The following ROBO1 variants were observed in gnomAD, a reference collection of about 807,000 sequenced individuals.
ROBO1 encodes the protein roundabout homolog 1.
ROBO1 carries 149 observed loss-of-function variants against 195.9 expected under a neutral mutation model. The observed-to-expected ratio is 0.76, with a 90% CI of 0.67 to 0.87. ROBO1 has a LOEUF of 0.87. ROBO1 is among the 40% of genes least tolerant of loss of function. The pLI, the probability that ROBO1 is intolerant of heterozygous loss-of-function variation, is 0.00. For synonymous variants in ROBO1, 816 were observed against 733.2 expected (o/e 1.11, Z -1.82); for missense variants, 1,933 against 2,068.3 (o/e 0.93, Z 1.27).
intron 5 of ROBO1, among the ~76,000 whole-genome samples, chr3:78,732,243 C>T (rs537387694): frequency 5.3e-5 from 8 of 152,082 alleles, no homozygotes; most frequent in South Asian, 2.1e-4. Context: ...ATTTTTAAAA[C>T]GTATAGATCC....
At chr3:78,793,581 A>G (rs1041661923) in intron 4 of ROBO1, among the ~76,000 whole-genome samples, 10 of 152,190 alleles carry the variant, frequency 6.6e-5, no homozygotes, top group Non-Finnish European at 1.2e-4. Context: ...ATGGCAGATC[A>G]AGGTTCTTCC....
At chr3:78,863,305 C>G (rs1246121186) in intron 4 of ROBO1, among the ~76,000 whole-genome samples, 1 of 152,166 alleles carries the variant, frequency 6.6e-6, no homozygotes, top group African/African-American at 2.4e-5. Context: ...ATTTAGAACT[C>G]TATGAGCCTA....
chr3:78,707,272 C>T (rs535602429), intron 8 of ROBO1, among the ~76,000 whole-genome samples: 1 of 152,218 alleles, frequency 6.6e-6, no homozygotes, highest in East Asian at 1.9e-4. Context: ...AAAGACAGCA[C>T]GGGGCTTTTT....
chr3:79,533,187 A>G, intron 2 of ROBO1: 1 of 284,734 alleles, frequency 3.5e-6, no homozygotes, highest in Non-Finnish European at 7.1e-6. Flanking sequence ...TATAAACTCT[A>G]TGATTTAGAT....
intron 4 of ROBO1, among the ~76,000 whole-genome samples, chr3:78,818,200 G>A (rs2030360484): frequency 6.6e-6 from 1 of 152,132 alleles, no homozygotes; most frequent in Non-Finnish European, 1.5e-5. Flanking sequence ...GGTCTGTGGG[G>A]AGACGGTGGA....
At chr3:79,393,646 T>G (rs1414453653) in intron 2 of ROBO1, among the ~76,000 whole-genome samples, 1 of 152,154 alleles carries the variant, frequency 6.6e-6, no homozygotes, top group African/African-American at 2.4e-5. Flanking sequence ...TGCTAAGTCA[T>G]TCTTCACAAG....
At position 79,102,403 on chromosome 3, in the gene ROBO1, G is replaced by C. The variant is rs374997216; in HGVS notation, c.172+23053C>G. On this transcript the variant is annotated intron_variant, in intron 3 of 30. Coordinates refer to ENST00000464233, the MANE Select transcript of ROBO1 (RefSeq NM_002941.4). ...CAGCAAGAAGTTCTGAGAGTCCAAG[G>C]TTTTCAATCATAAGAGAGGAATTAA... is the stretch of plus-strand genomic sequence containing the variant. Among the ~76,000 whole-genome samples the C allele has an allele frequency of 1.2e-4, 18 of 151,684 alleles. 1 individual carries two copies. The highest frequency in any genetic ancestry group is 6.3e-3 in the Middle Eastern group (2 of 316).
intron 1 of ROBO1, among the ~76,000 whole-genome samples, chr3:79,670,867 A>T (rs746897114): frequency 2.0e-5 from 3 of 151,876 alleles, no homozygotes; most frequent in East Asian, 1.9e-4. Context: ...ATTTACTGCA[A>T]TATTTTCACT....
At position 78,661,317 on chromosome 3, in the gene ROBO1, A is replaced by G. The variant is rs1398887975; in HGVS notation, c.2089-56T>C. 7 of 1,087,498 alleles carry G rather than the reference A, an allele frequency of 6.4e-6. No homozygotes were observed. In the Admixed American group the frequency reaches 2.0e-4, roughly 30 times the overall value. The allele number at this position is 1,087,498 out of a possible 1,614,324, so 67.4% of individuals were successfully genotyped here. ...TCATATTATTGTATTGGTTCATCAG[A>G]AAATAATAAAAATTAAACGTTATAA... On this transcript the variant is annotated intron_variant, in intron 15 of 30. Transcript: ENST00000464233.
intron 3 of ROBO1, among the ~76,000 whole-genome samples, chr3:79,058,185 T>A (rs1415849288): frequency 1.3e-5 from 2 of 152,012 alleles, no homozygotes; most frequent in African/African-American, 4.8e-5. Context: ...CTGTGTTAAC[T>A]CAAATGCAGT....
chr3:79,498,495 T>C (rs1161969185), intron 2 of ROBO1, among the ~76,000 whole-genome samples: 2 of 152,214 alleles, frequency 1.3e-5, no homozygotes, highest in African/African-American at 2.4e-5. Flanking sequence ...ATTTCTGTAA[T>C]TCGACAGTAT....
chr3:78,618,657 C>CT (rs1704270437), intron 26 of ROBO1, among the ~76,000 whole-genome samples: 2 of 152,018 alleles, frequency 1.3e-5, no homozygotes, highest in Admixed American at 1.3e-4. Context: ...GATTTATTCG[C>CT]TATGAGTTTC....
intron 2 of ROBO1, among the ~76,000 whole-genome samples, chr3:79,519,676 G>GCT: frequency 6.8e-6 from 1 of 147,090 alleles, no homozygotes; most frequent in South Asian, 2.2e-4. Context: ...TGTATGCTAA[G>GCT]TATAATATAA....
chr3:78,876,551 G>GA (rs770573179), intron 4 of ROBO1, among the ~76,000 whole-genome samples: 22 of 152,108 alleles, frequency 1.4e-4, no homozygotes, highest in Non-Finnish European at 3.1e-4. Flanking sequence ...ATGATTGTTA[G>GA]AATAATAAAT....
At chr3:79,519,888 G>A (rs1000792400) in intron 2 of ROBO1, among the ~76,000 whole-genome samples, 3 of 152,020 alleles carry the variant, frequency 2.0e-5, no homozygotes, top group Admixed American at 2.0e-4. Flanking sequence ...GCTGGGCACC[G>A]TGGCTCACAT....
intron 1 of ROBO1, among the ~76,000 whole-genome samples, chr3:79,619,439 TG>T (rs1944932985): frequency 6.6e-6 from 1 of 152,146 alleles, no homozygotes; most frequent in Admixed American, 6.5e-5. Flanking sequence ...CAACACTGCT[TG>T]GCCCCCATAC....
chr3:78,831,883 G>C (rs550595680), intron 4 of ROBO1, among the ~76,000 whole-genome samples: 1 of 152,246 alleles, frequency 6.6e-6, no homozygotes, highest in Non-Finnish European at 1.5e-5. Flanking sequence ...ACTATCACAA[G>C]AACAGCACAG....
intron 9 of ROBO1, among the ~76,000 whole-genome samples, chr3:78,686,146 T>C (rs2081045821): frequency 6.6e-6 from 1 of 152,180 alleles, no homozygotes; most frequent in Non-Finnish European, 1.5e-5. Flanking sequence ...TGTACACATA[T>C]ACATATACAA....
intron 3 of ROBO1, among the ~76,000 whole-genome samples, chr3:79,101,176 C>T (rs747851406): frequency 2.6e-5 from 4 of 151,624 alleles, no homozygotes; most frequent in Admixed American, 6.6e-5. Flanking sequence ...CACCTGAGAA[C>T]GCTTTGGAGA....
Sources: allele counts gnomAD v4.1 joint callset (sites outside exome capture counted in the v4.1 genomes callset), GRCh38; gene constraint gnomAD v4.1.1; transcripts MANE v1.5; gene names NCBI Gene and HGNC (gene_info 2026-07-23, HGNC 2026-07-21).